The following PTCHD4 variants were observed in gnomAD, a reference collection of about 807,000 sequenced individuals.
PTCHD4 encodes patched domain-containing protein 4.
Under a neutral mutation model 58.1 loss-of-function variants are expected in PTCHD4, and 33 were observed. The observed-to-expected ratio is 0.57, with a 90% CI of 0.43 to 0.76. The LOEUF is 0.76. PTCHD4 is among the 30% of genes least tolerant of loss of function. The pLI is 0.00. For synonymous variants in PTCHD4, 478 were observed against 409.6 expected (o/e 1.17, Z -2.02); for missense variants, 1,058 against 1,027.1 (o/e 1.03, Z -0.41).
intron 4 of PTCHD4, among the ~76,000 whole-genome samples, chr6:47,898,891 T>G (rs1318562071): frequency 6.6e-6 from 1 of 152,200 alleles, no homozygotes; most frequent in Non-Finnish European, 1.5e-5. Flanking sequence ...CTGCTGGTTT[T>G]GGGGACATTA....
intron 1 of PTCHD4, among the ~76,000 whole-genome samples, chr6:48,097,781 G>GA (rs528820955): frequency 1.2e-4 from 19 of 152,144 alleles, no homozygotes; most frequent in East Asian, 5.8e-4. Flanking sequence ...GCTGTAGGAA[G>GA]AAAAAAATCA....
intron 4 of PTCHD4, among the ~76,000 whole-genome samples, chr6:47,945,487 TATA>T (rs1221352845): frequency 6.6e-6 from 1 of 152,092 alleles, no homozygotes; most frequent in Non-Finnish European, 1.5e-5. Flanking sequence ...ATTTTGTTTT[TATA>T]ATGTTACCTC....
At chr6:47,924,353 G>C (rs1033548277) in intron 4 of PTCHD4, among the ~76,000 whole-genome samples, 1 of 152,086 alleles carries the variant, frequency 6.6e-6, no homozygotes, top group Non-Finnish European at 1.5e-5. Context: ...AGGCTATTTT[G>C]GGTTATTATC....
chr6:48,078,467 A>G (rs1046693862), intron 1 of PTCHD4, among the ~76,000 whole-genome samples: 4 of 152,248 alleles, frequency 2.6e-5, no homozygotes, highest in Admixed American at 6.5e-5. Flanking sequence ...TATTGGATCA[A>G]TGCACAAAGA....
chr6:48,097,431 C>T (rs1384499457), intron 1 of PTCHD4, among the ~76,000 whole-genome samples: 3 of 139,502 alleles, frequency 2.2e-5, no homozygotes, highest in African/African-American at 7.9e-5. Context: ...GTAGATCATA[C>T]CACAGATAAA....
intron 3 of PTCHD4, among the ~76,000 whole-genome samples, chr6:48,022,605 G>C (rs1054764971): frequency 7.9e-5 from 12 of 152,058 alleles, no homozygotes; most frequent in African/African-American, 2.9e-4. Flanking sequence ...CTCAGAATAG[G>C]AGACGAGGGT....
chr6:47,966,706 A>T (rs1220744917), intron 4 of PTCHD4, among the ~76,000 whole-genome samples: 5 of 152,200 alleles, frequency 3.3e-5, no homozygotes, highest in South Asian at 4.1e-4. Flanking sequence ...GAGCATCCTT[A>T]CCAGGAGTAG....
intron 3 of PTCHD4, among the ~76,000 whole-genome samples, chr6:48,043,395 T>A (rs1326807543): frequency 6.6e-6 from 1 of 151,852 alleles, no homozygotes; most frequent in Non-Finnish European, 1.5e-5. Flanking sequence ...CCCTATAAAA[T>A]ACTTAATTAT....
intron 4 of PTCHD4, among the ~76,000 whole-genome samples, chr6:47,955,745 C>A (rs554130724): frequency 1.4e-3 from 209 of 152,108 alleles, no homozygotes; most frequent in Non-Finnish European, 2.1e-3. Flanking sequence ...ACATGTATAA[C>A]CTGGGCCATA....
chr6:48,078,310 G>A (rs1030346940), intron 1 of PTCHD4, among the ~76,000 whole-genome samples: 3 of 152,180 alleles, frequency 2.0e-5, no homozygotes, highest in Admixed American at 6.5e-5. Flanking sequence ...AAGATTGGGA[G>A]TGGCCCACCA....
At chr6:48,049,042 G>T (rs993935922) in intron 3 of PTCHD4, among the ~76,000 whole-genome samples, 3 of 151,940 alleles carry the variant, frequency 2.0e-5, no homozygotes, top group Non-Finnish European at 2.9e-5. Flanking sequence ...TTTCTTGATG[G>T]CTTGTGGGCA....
intron 4 of PTCHD4, among the ~76,000 whole-genome samples, chr6:47,987,354 A>C (rs571532336): frequency 5.9e-5 from 9 of 151,612 alleles, no homozygotes; most frequent in Non-Finnish European, 1.2e-4. Context: ...ACATGTATAC[A>C]TATGTAACAA....
At chr6:48,012,021 G>A (rs1424557247) in intron 3 of PTCHD4, among the ~76,000 whole-genome samples, 1 of 152,092 alleles carries the variant, frequency 6.6e-6, no homozygotes, top group Non-Finnish European at 1.5e-5. Context: ...CTCTAGCTTT[G>A]CTCTTTTTGC....
intron 1 of PTCHD4, among the ~76,000 whole-genome samples, chr6:48,083,716 G>C (rs886456469): frequency 1.3e-5 from 2 of 152,158 alleles, no homozygotes; most frequent in African/African-American, 4.8e-5. Context: ...CACATGGAAA[G>C]CATGAAAAAG....
intron 4 of PTCHD4, among the ~76,000 whole-genome samples, chr6:47,903,730 T>C: frequency 6.6e-6 from 1 of 152,194 alleles, no homozygotes; most frequent in East Asian, 1.9e-4. Flanking sequence ...CCTTCCCTCA[T>C]GGGACTTACA....
At chr6:47,954,335 CAGCAGAGTGAGACTCTGTCTCAAACAA>C (rs2113953732) in intron 4 of PTCHD4, among the ~76,000 whole-genome samples, 1 of 152,232 alleles carries the variant, frequency 6.6e-6, no homozygotes, top group Admixed American at 6.5e-5. Context: ...CCAGCATGGG[CAGCAGAGTGAGACTCTGTCTCAAACAA>C]ACAAACAAAA....
rs1763391912 is a variant in PTCHD4, at chr6:47,860,250, A to G, written c.*18053T>C. ...TGCAAGCAATTTAAAGGTAGAAAACACATCATACTTTTTCTTCATCCCATA... is the reference window on the plus strand; with the variant it reads ...TGCAAGCAATTTAAAGGTAGAAAACGCATCATACTTTTTCTTCATCCCATA... On this transcript the variant is annotated 3_prime_UTR_variant, in exon 5 of 5. Coordinates refer to ENST00000339488, the MANE Select transcript of PTCHD4 (RefSeq NM_001384253.1). Among the ~76,000 whole-genome samples the G allele has an allele frequency of 6.6e-6, 1 of 152,098 alleles. No homozygotes were observed. Among genetic ancestry groups the G allele is most frequent in the South Asian group, 2.1e-4 (1 of 4,830 alleles).
At chr6:47,907,990 G>A (rs1227688987) in intron 4 of PTCHD4, among the ~76,000 whole-genome samples, 5 of 152,216 alleles carry the variant, frequency 3.3e-5, no homozygotes, top group African/African-American at 7.2e-5. Context: ...ATGGGCAAAC[G>A]CTTAGCAACC....
chr6:48,066,472 T>G (rs1582103045), intron 3 of PTCHD4, among the ~76,000 whole-genome samples: 1 of 152,176 alleles, frequency 6.6e-6, no homozygotes, highest in African/African-American at 2.4e-5. Context: ...TATGACAAAG[T>G]TTCAAATCTT....
Sources: allele counts gnomAD v4.1 joint callset (sites outside exome capture counted in the v4.1 genomes callset), GRCh38; gene constraint gnomAD v4.1.1; transcripts MANE v1.5; gene names NCBI Gene and HGNC (gene_info 2026-07-23, HGNC 2026-07-21).